The following MARS1 variants were observed in gnomAD, a reference collection of about 807,000 sequenced individuals.
MARS1 encodes methionyl-tRNA synthetase 1.
Under a neutral mutation model 119.5 loss-of-function variants are expected in MARS1, and 80 were observed. The observed-to-expected ratio is 0.67, with a 90% CI of 0.56 to 0.81. The LOEUF is 0.81. MARS1 is among the 30% of genes least tolerant of loss of function. The pLI is 0.00. For missense variants in MARS1, 945 were observed against 1,116.5 expected, an observed-to-expected ratio of 0.85 and a Z score of 2.19; for synonymous variants, 418 against 433.4, an observed-to-expected ratio of 0.96 and a Z score of 0.44.
chr12:57,511,806 C>T lies in MARS1; in HGVS notation c.1477C>T (p.Arg493Cys), dbSNP rs747598332. Residue 493 changes from arginine (R) to cysteine (C), a missense_variant, in exon 12 of 21, where the codon CGC becomes TGC. Physicochemically the swap from Arg to Cys is radical, Grantham distance 180 (BLOSUM62 -3). Coordinates refer to ENST00000262027, the MANE Select transcript of MARS1 (RefSeq NM_004990.4). The stretch of plus-strand genomic sequence containing the variant: ...TTGGCTTCGGGATGGCCTCAAGCCA[C>T]GCTGCATAACCCGAGACCTCAAATG... ...RSWLRDGLKP[R>C]CITRDLKWGT... 1.4e-5 allele frequency: 22 copies of T among 1,614,066 alleles called. No homozygotes were observed. The highest frequency in any genetic ancestry group is 6.6e-5 in the South Asian group (6 of 91,084).
At chr12:57,501,138 A>G (rs1004903080) in intron 10 of MARS1, among the ~76,000 whole-genome samples, 10 of 152,240 alleles carry the variant, frequency 6.6e-5, no homozygotes, top group Admixed American at 2.6e-4. Context: ...ATAAGAGGTT[A>G]AGAATGTTCT....
intron 1 of MARS1, 142 bp downstream of exon 1, chr12:57,488,341 A>G (rs1212421509): frequency 2.5e-6 from 2 of 792,280 alleles, no homozygotes; most frequent in African/African-American, 1.7e-5. Context: ...TGATCACTCC[A>G]CGCCTTCTTC....
chr12:57,513,707 C>A (rs888190251), intron 15 of MARS1, among the ~76,000 whole-genome samples: 2 of 151,646 alleles, frequency 1.3e-5, no homozygotes, highest in African/African-American at 4.8e-5. Context: ...GTGCCTATCT[C>A]AGCTCTTCTG....
At chr12:57,515,373 T>A in intron 18 of MARS1, 37 bp downstream of exon 18, 1 of 1,595,268 alleles carries the variant, frequency 6.3e-7, no homozygotes. Flanking sequence ...AAATTGATAC[T>A]CTTGCCATGC....
At chr12:57,490,719 C>A in intron 7 of MARS1, 75 bp downstream of exon 7, 1 of 1,204,360 alleles carries the variant, frequency 8.3e-7, no homozygotes, top group Non-Finnish European at 1.2e-6. Flanking sequence ...AACCTGCCTG[C>A]TAGGTCCCGT....
At chr12:57,507,484 A>AC (rs1204870664) in intron 11 of MARS1, among the ~76,000 whole-genome samples, 1 of 17,730 alleles carries the variant, frequency 5.6e-5, no homozygotes, top group African/African-American at 1.5e-4. Flanking sequence ...CGGGGGGCTG[A>AC]CCCCCCCCCC....
intron 7 of MARS1, among the ~76,000 whole-genome samples, chr12:57,493,418 T>TC (rs1876133753): frequency 1.3e-4 from 3 of 22,580 alleles, no homozygotes; most frequent in Non-Finnish European, 2.2e-4. Context: ...TATAATATAT[T>TC]ATATGATATG....
At chr12:57,491,534 T>TTGTCAC (rs1189187468) in intron 7 of MARS1, among the ~76,000 whole-genome samples, 1 of 152,208 alleles carries the variant, frequency 6.6e-6, no homozygotes, top group African/African-American at 2.4e-5. Flanking sequence ...CTCCTCTCTG[T>TTGTCAC]TGTCACTGTC....
At chr12:57,488,904 G>T in intron 1 of MARS1, 115 bp from the exon 2 acceptor site, 1 of 889,676 alleles carries the variant, frequency 1.1e-6, no homozygotes, top group Admixed American at 2.2e-5. Context: ...TCTGGGTTGA[G>T]ACTGCCCATC....
intron 7 of MARS1, among the ~76,000 whole-genome samples, chr12:57,496,234 G>A (rs1876625566): frequency 6.6e-6 from 1 of 150,570 alleles, no homozygotes; most frequent in South Asian, 2.1e-4. Flanking sequence ...CGCAATCTAG[G>A]CTCACGGCAA....
At position 57,489,446 on chromosome 12, in the gene MARS1, AC is replaced by A; in HGVS notation, c.303del (p.Tyr102IlefsTer2). 6.2e-7 allele frequency: 1 copy of A among 1,614,044 alleles called. No homozygotes were observed. Among genetic ancestry groups the A allele is most frequent in the Non-Finnish European group, 8.5e-7 (1 of 1,180,010 alleles). On this transcript the variant is annotated frameshift_variant, in exon 4 of 21. Transcript: ENST00000262027. LOFTEE classifies it high-confidence loss of function. ...TAGCCAGCTTTGTCTGCTGCCCTGT[AC>A]TATTTAGTGGTCCAAGGCAAGAAGG... ...ELQPALSAAL[Y>X]YLVVQGKKGE...
chr12:57,502,476 G>A (rs1385963076), intron 10 of MARS1, among the ~76,000 whole-genome samples: 1 of 152,038 alleles, frequency 6.6e-6, no homozygotes, highest in African/African-American at 2.4e-5. Flanking sequence ...GGAAGCTGAG[G>A]CGGCCGGATC....
chr12:57,493,886 A>G (rs868590009), intron 7 of MARS1, among the ~76,000 whole-genome samples: 2 of 52,122 alleles, frequency 3.8e-5, no homozygotes, highest in Non-Finnish European at 3.2e-5. Context: ...ATAATATATA[A>G]TATATATTTA....
chr12:57,501,453 G>A (rs962723743), intron 10 of MARS1, among the ~76,000 whole-genome samples: 1 of 152,360 alleles, frequency 6.6e-6, no homozygotes, highest in South Asian at 2.1e-4. Flanking sequence ...GGGAGGCCAA[G>A]CTGGGTGGAT....
chr12:57,493,519 TAA>T lies in MARS1; in HGVS notation c.770+2876_770+2877del, dbSNP rs1876204714. On this transcript the variant is annotated intron_variant, in intron 7 of 20. Transcript: ENST00000262027. The stretch of plus-strand genomic sequence containing the variant: ...ATTATAATATATAATATATAATATA[TAA>T]TATATTATAATATATAATATATTAT... Among the ~76,000 whole-genome samples the T allele has an allele frequency of 2.1e-4, 2 of 9,650 alleles. 1 individual carries two copies. Among genetic ancestry groups the T allele is most frequent in the African/African-American group, 4.9e-4 (2 of 4,110 alleles). 6.3% of individuals were successfully genotyped at this position (9,650 alleles called of 152,430 possible). A position where few individuals can be genotyped will look rare whatever the true frequency, so the allele number is the denominator to read the frequency against.
rs747034726 is a variant in MARS1 at position 57,516,555 on chromosome 12, GC to G, written c.2681del (p.Pro894LeufsTer20). On this transcript the variant is annotated frameshift_variant, in exon 21 of 21. Transcript: ENST00000262027. LOFTEE classifies it high-confidence loss of function. ...TGTAGCTGAGGGGAAACCCCCTGAAGCCCCTAAAGGCAAGAAGAAAAAGTAA... is the reference window on the plus strand; with the variant it reads ...TGTAGCTGAGGGGAAACCCCCTGAAGCCCTAAAGGCAAGAAGAAAAAGTAA... Reference protein sequence around the residue: ...LAVAEGKPPEAPKGKKKK With the variant: ...LAVAEGKPPEXPKGKKKK 1 of 1,583,476 alleles carries G rather than the reference GC, an allele frequency of 6.3e-7. No homozygotes were observed. The highest frequency in any genetic ancestry group is 8.5e-7 in the Non-Finnish European group (1 of 1,171,542).
intron 10 of MARS1, among the ~76,000 whole-genome samples, chr12:57,503,233 CTT>C (rs777768874): frequency 1.3e-4 from 18 of 136,054 alleles, no homozygotes; most frequent in Admixed American, 2.2e-4. Context: ...GCACTTGTTT[CTT>C]TTTTTTTTTT....
intron 7 of MARS1, 33 bp from the exon 8 acceptor site, chr12:57,498,124 C>G (rs531508818): frequency 1.4e-6 from 2 of 1,408,362 alleles, no homozygotes; most frequent in Non-Finnish European, 1.0e-6. Flanking sequence ...TCACATCCCC[C>G]CATGCACTGT....
chr12:57,493,815 T>A (rs1453052540), intron 7 of MARS1, among the ~76,000 whole-genome samples: 1 of 1,076 alleles, frequency 9.3e-4, no homozygotes, highest in African/African-American at 1.5e-3. Flanking sequence ...ATAATGTATA[T>A]TATATATATT....
Sources: allele counts gnomAD v4.1 joint callset (sites outside exome capture counted in the v4.1 genomes callset), GRCh38; gene constraint gnomAD v4.1.1; transcripts MANE v1.5; gene names NCBI Gene and HGNC (gene_info 2026-07-23, HGNC 2026-07-21).